The following EIF4E3 variants were observed in gnomAD, a reference collection of about 807,000 sequenced individuals.
The protein encoded by EIF4E3 is eukaryotic translation initiation factor 4E type 3.
A neutral mutation model predicts 31.7 loss-of-function variants in EIF4E3; 26 were observed. That is an observed-to-expected ratio of 0.82 (90% CI 0.60 to 1.14). EIF4E3 has a LOEUF of 1.14. Among genes scored for constraint, EIF4E3 ranks in the 50% most tolerant of loss-of-function variants. The pLI, the probability that EIF4E3 is intolerant of heterozygous loss-of-function variation, is 0.00. For missense variants in EIF4E3, 304 were observed against 270.9 expected (o/e 1.12, Z -0.86); for synonymous variants, 128 against 107.7 (o/e 1.19, Z -1.17).
chr3:71,707,918 TCA>T (rs2049318561), intron 2 of EIF4E3, among the ~76,000 whole-genome samples: 1 of 150,346 alleles, frequency 6.7e-6, no homozygotes, highest in Non-Finnish European at 1.5e-5. Context: ...AGACAGAGTC[TCA>T]CTCTGTCACC....
At chr3:71,705,216 C>T (rs965597968) in intron 2 of EIF4E3, among the ~76,000 whole-genome samples, 1 of 152,104 alleles carries the variant, frequency 6.6e-6, no homozygotes, top group Non-Finnish European at 1.5e-5. Context: ...TCAATCTTTC[C>T]ACCATCCTCC....
At chr3:71,708,944 C>A (rs2049334970) in intron 2 of EIF4E3, among the ~76,000 whole-genome samples, 1 of 152,162 alleles carries the variant, frequency 6.6e-6, no homozygotes, top group Admixed American at 6.5e-5. Context: ...CCAACGACAC[C>A]AGAAATGGCC....
chr3:71,738,510 C>T (rs918672827), intron 1 of EIF4E3, among the ~76,000 whole-genome samples: 1 of 152,020 alleles, frequency 6.6e-6, no homozygotes, highest in Non-Finnish European at 1.5e-5. Flanking sequence ...TTAAGAGTAG[C>T]TATATAAATA....
chr3:71,697,319 C>T (rs1240190125), intron 3 of EIF4E3, among the ~76,000 whole-genome samples: 4 of 152,184 alleles, frequency 2.6e-5, no homozygotes, highest in Non-Finnish European at 5.9e-5. Flanking sequence ...CCATATCTGG[C>T]CTACATGTGA....
At chr3:71,732,035 C>A (rs1195001749) in intron 1 of EIF4E3, among the ~76,000 whole-genome samples, 1 of 152,092 alleles carries the variant, frequency 6.6e-6, no homozygotes, top group African/African-American at 2.4e-5. Flanking sequence ...GCATTTTCAG[C>A]TCTGCCACAA....
At chr3:71,672,043 CAT>C (rs1437785143), downstream of EIF4E3, among the ~76,000 whole-genome samples, 2 of 152,190 alleles carry the variant, frequency 1.3e-5, no homozygotes, top group Non-Finnish European at 2.9e-5. Context: ...CGCCCTCTCA[CAT>C]GAGTGGGCTG....
chr3:71,717,119 G>A (rs2049477039), intron 1 of EIF4E3, among the ~76,000 whole-genome samples: 1 of 152,166 alleles, frequency 6.6e-6, no homozygotes, highest in South Asian at 2.1e-4. Context: ...AGCTGAAACG[G>A]TTTCTTCGAA....
downstream of EIF4E3, among the ~76,000 whole-genome samples, chr3:71,672,999 G>A (rs1257343361): frequency 2.0e-5 from 3 of 152,172 alleles, no homozygotes; most frequent in East Asian, 1.9e-4. Flanking sequence ...AGAGAGCCAC[G>A]AGGGCTGAAC....
intron 1 of EIF4E3, among the ~76,000 whole-genome samples, chr3:71,718,213 G>A (rs572431703): frequency 6.6e-6 from 1 of 152,296 alleles, no homozygotes; most frequent in East Asian, 1.9e-4. Flanking sequence ...CCCCTCGTAT[G>A]CCATTCACTC....
At chr3:71,709,480 AG>A (rs1456676902) in intron 2 of EIF4E3, among the ~76,000 whole-genome samples, 4 of 152,164 alleles carry the variant, frequency 2.6e-5, no homozygotes, top group African/African-American at 9.7e-5. Flanking sequence ...CCTGGGCTCA[AG>A]TGATCATTGT....
chr3:71,724,937 G>A (rs1412161378), intron 1 of EIF4E3, among the ~76,000 whole-genome samples: 1 of 152,168 alleles, frequency 6.6e-6, no homozygotes, highest in Non-Finnish European at 1.5e-5. Context: ...GGTAGAAAGT[G>A]TTGCCGAAAC....
At chr3:71,734,373 G>T (rs2049739863) in intron 1 of EIF4E3, among the ~76,000 whole-genome samples, 1 of 152,050 alleles carries the variant, frequency 6.6e-6, no homozygotes, top group South Asian at 2.1e-4. Flanking sequence ...AACCTACCAG[G>T]TCACTCAGAA....
intron 3 of EIF4E3, among the ~76,000 whole-genome samples, chr3:71,698,763 C>T (rs1460502140): frequency 6.6e-6 from 1 of 152,172 alleles, no homozygotes; most frequent in Non-Finnish European, 1.5e-5. Context: ...GGCCACTTTG[C>T]CACCTCAGAT....
downstream of EIF4E3, among the ~76,000 whole-genome samples, chr3:71,673,316 C>T (rs991814108): frequency 6.6e-6 from 1 of 152,110 alleles, no homozygotes; most frequent in Non-Finnish European, 1.5e-5. Flanking sequence ...GGTGCACAGG[C>T]CTTTTGATGA....
chr3:71,678,241 TCTATA>T lies in EIF4E3; in HGVS notation c.*6436_*6440del, dbSNP rs987906166. On this transcript the variant is annotated 3_prime_UTR_variant, in exon 7 of 7. Coordinates refer to ENST00000425534, the MANE Select transcript of EIF4E3 (RefSeq NM_001134651.2). Reference sequence around the variant, plus strand: ...TAAACTGGAGGATGAAAATGACATTTCTATACTATAAGAACCTCAATACAGAATGA... The same window carrying T: ...TAAACTGGAGGATGAAAATGACATTTCTATAAGAACCTCAATACAGAATGA... 1 of 152,206 alleles carries T rather than the reference TCTATA, an allele frequency of 6.6e-6. No homozygotes were observed. The highest frequency in any genetic ancestry group is 2.4e-5 in the African/African-American group (1 of 41,466). 9.4% of individuals were successfully genotyped at this position (152,206 alleles called of 1,614,324 possible). A position where few individuals can be genotyped will look rare whatever the true frequency, so the allele number is the denominator to read the frequency against.
chr3:71,688,174 C>T lies in EIF4E3; in HGVS notation c.628+1836G>A, dbSNP rs1333440683. 2.0e-5 allele frequency among the ~76,000 whole-genome samples: 3 copies of T among 152,206 alleles called. No homozygotes were observed. In the East Asian group the frequency reaches 5.8e-4, roughly 29 times the overall value. On this transcript the variant is annotated intron_variant, in intron 6 of 6. Transcript: ENST00000425534. ...TTAGGTATCTATTTGATTTAACTGG[C>T]CAAGTTGCAGTTTTCTTTCCCCTTG...
chr3:71,671,278 G>A (rs1312301421), downstream of EIF4E3, among the ~76,000 whole-genome samples: 1 of 152,040 alleles, frequency 6.6e-6, no homozygotes, highest in African/African-American at 2.4e-5. Context: ...AGGGGGCCTT[G>A]GCTCACCCTC....
chr3:71,722,893 C>T (rs908685312), intron 1 of EIF4E3, among the ~76,000 whole-genome samples: 9 of 152,182 alleles, frequency 5.9e-5, no homozygotes, highest in Non-Finnish European at 8.8e-5. Flanking sequence ...TACATCATGT[C>T]TCTCATTTAA....
rs1434117624 is a variant in EIF4E3, at chr3:71,678,892, T to C, written c.*5790A>G. 1 of 152,234 alleles carries C rather than the reference T, an allele frequency of 6.6e-6. No individual in the cohort carries two copies. Among genetic ancestry groups the C allele is most frequent in the Non-Finnish European group, 1.5e-5 (1 of 68,042 alleles). 9.4% of individuals were successfully genotyped at this position (152,234 alleles called of 1,614,324 possible). A position where few individuals can be genotyped will look rare whatever the true frequency, so the allele number is the denominator to read the frequency against. On this transcript the variant is annotated 3_prime_UTR_variant, in exon 7 of 7. Coordinates refer to ENST00000425534, the MANE Select transcript of EIF4E3 (RefSeq NM_001134651.2). ...TCAAGCTAAAGTATGCTCACTAGTT[T>C]AAATTTTGAAATTCTTTTATATAAT...
Sources: allele counts gnomAD v4.1 joint callset (sites outside exome capture counted in the v4.1 genomes callset), GRCh38; gene constraint gnomAD v4.1.1; transcripts MANE v1.5; gene names NCBI Gene and HGNC (gene_info 2026-07-23, HGNC 2026-07-21).